The following ELP2 variants were observed in gnomAD, a reference collection of about 807,000 sequenced individuals.
ELP2 encodes the protein elongator complex protein 2.
A neutral mutation model predicts 119.2 loss-of-function variants in ELP2; 90 were observed. The observed-to-expected ratio is 0.75, with a 90% CI of 0.64 to 0.90. The LOEUF (loss-of-function observed/expected upper bound fraction) is 0.90. Ranked by LOEUF, ELP2 falls within the 40% of genes least tolerant of loss-of-function variation. ELP2 has a pLI of 0.00. For synonymous variants in ELP2, 339 were observed against 331.0 expected (o/e 1.02, Z -0.26); for missense variants, 921 against 967.8 (o/e 0.95, Z 0.64).
chr18:36,136,504 A>G (rs573486325), intron 3 of ELP2, 127 bp downstream of exon 3: 15 of 778,708 alleles, frequency 1.9e-5, no homozygotes, highest in Non-Finnish European at 3.3e-5. Context: ...CAGCCTCCTA[A>G]GTAGCTGGGA....
intron 18 of ELP2, among the ~76,000 whole-genome samples, chr18:36,166,434 G>A (rs1196996997): frequency 7.3e-6 from 1 of 137,136 alleles, no homozygotes; most frequent in African/African-American, 2.6e-5. Context: ...GGGTTCAAGT[G>A]ATTCTCCTGC....
At chr18:36,171,334 A>C (rs2091076459) in intron 21 of ELP2, among the ~76,000 whole-genome samples, 174 bp downstream of exon 21, 1 of 152,158 alleles carries the variant, frequency 6.6e-6, no homozygotes, top group South Asian at 2.1e-4. Context: ...AAATTGATAT[A>C]TTGCACTTGA....
chr18:36,164,733 C>A (rs1005018920), intron 18 of ELP2, 66 bp downstream of exon 18: 5 of 1,477,312 alleles, frequency 3.4e-6, no homozygotes, highest in Non-Finnish European at 4.7e-6. Flanking sequence ...CTACATTAAG[C>A]AGCTTTAGTT....
intron 17 of ELP2, among the ~76,000 whole-genome samples, chr18:36,162,725 T>C (rs1263363551): frequency 2.0e-5 from 3 of 152,196 alleles, no homozygotes; most frequent in South Asian, 4.1e-4. Flanking sequence ...CAGCACTTAG[T>C]ATCAGTCTTT....
rs773442118 is a variant in ELP2, at chr18:36,170,150, G to C, written c.2164G>C (p.Ala722Pro). The C allele has an allele frequency of 6.2e-7, 1 of 1,613,952 alleles. No homozygotes were observed. The highest frequency in any genetic ancestry group is 1.3e-5 in the African/African-American group (1 of 74,886). ...CTCCTCAGTCCTGGACGTGGGTGGG[G>C]CTGTGACAGCTGTCAGCGTCTGCCC... is the stretch of plus-strand genomic sequence containing the variant. ...PCSSVLDVGG[A>P]VTAVSVCPVL... The change falls in exon 20 of 22, where the codon GCT (alanine) becomes CCT (proline). Residue 722 changes from alanine (A) to proline (P), a missense_variant. Physicochemically the swap from Ala to Pro is conservative, Grantham distance 27 (BLOSUM62 -1). Transcript: ENST00000358232.
In ELP2 at chr18:36,177,653, AT is replaced by A. The variant is rs2144864483; in HGVS notation, c.*3016del. 6.6e-6 allele frequency: 1 copy of A among 152,246 alleles called. No individual in the cohort carries two copies. The highest frequency in any genetic ancestry group is 6.5e-5 in the Admixed American group (1 of 15,290). The allele number at this position is 152,246 out of a possible 1,614,324, so 9.4% of individuals were successfully genotyped here. A position where few individuals can be genotyped will look rare whatever the true frequency, so the allele number is the denominator to read the frequency against. On this transcript the variant is annotated 3_prime_UTR_variant, in exon 22 of 22. Transcript: ENST00000358232. ...GGTTAAGATGGTAAATCTTATCTTT[AT>A]TTTACCACAGTTTTTTTTAAAGCAT...
intron 17 of ELP2, among the ~76,000 whole-genome samples, chr18:36,164,046 C>A (rs1409172669): frequency 2.0e-5 from 3 of 152,058 alleles, no homozygotes; most frequent in Admixed American, 6.6e-5. Context: ...TGCAATATGC[C>A]TGTCATTCAT....
intron 5 of ELP2, chr18:36,139,613 A>G: frequency 6.6e-7 from 1 of 1,521,962 alleles, no homozygotes; most frequent in Non-Finnish European, 8.8e-7. Context: ...ATTCAGGCCA[A>G]GTGACTGGAG....
At chr18:36,147,192 A>G (rs1026249478) in intron 11 of ELP2, among the ~76,000 whole-genome samples, 1 of 150,768 alleles carries the variant, frequency 6.6e-6, no homozygotes, top group African/African-American at 2.4e-5. Flanking sequence ...TCACGCTTCA[A>G]CTTCCTGAGT....
intron 1 of ELP2, among the ~76,000 whole-genome samples, chr18:36,132,088 T>G (rs183134219): frequency 2.0e-5 from 3 of 152,150 alleles, no homozygotes; most frequent in Non-Finnish European, 2.9e-5. Context: ...TTTTTGTGTT[T>G]TTAGTAGAGA....
chr18:36,158,961 T>C, intron 14 of ELP2, 57 bp downstream of exon 14: 2 of 1,171,826 alleles, frequency 1.7e-6, no homozygotes, highest in Non-Finnish European at 2.6e-6. Context: ...ACCCCAGTCA[T>C]ACACTTGTGT....
At chr18:36,166,057 G>C (rs1218435131) in intron 18 of ELP2, among the ~76,000 whole-genome samples, 1 of 151,772 alleles carries the variant, frequency 6.6e-6, no homozygotes, top group African/African-American at 2.4e-5. Flanking sequence ...GCCAGGCATG[G>C]TGGTGCATGC....
chr18:36,145,158 G>A, intron 9 of ELP2, 124 bp downstream of exon 9: 1 of 775,740 alleles, frequency 1.3e-6, no homozygotes, highest in Admixed American at 1.9e-5. Context: ...ACATTTTCAA[G>A]TTGACAAAGT....
At chr18:36,131,431 G>C (rs2089622225) in intron 1 of ELP2, among the ~76,000 whole-genome samples, 1 of 152,246 alleles carries the variant, frequency 6.6e-6, no homozygotes, top group African/African-American at 2.4e-5. Context: ...CCAGCGCCGT[G>C]AGCGCGGAGC....
chr18:36,175,749 G>A lies in ELP2; in HGVS notation c.*1108G>A, dbSNP rs2091209178. On this transcript the variant is annotated 3_prime_UTR_variant, in exon 22 of 22. Coordinates refer to ENST00000358232, the MANE Select transcript of ELP2 (RefSeq NM_018255.4). Reference sequence around the variant, plus strand: ...GGAGAGAGGTTAACAGGGAAGACATGGGAAGTATTGTGAAGGCTGGTGTGA... The same window carrying A: ...GGAGAGAGGTTAACAGGGAAGACATAGGAAGTATTGTGAAGGCTGGTGTGA... 1 of 152,330 alleles carries A rather than the reference G, an allele frequency of 6.6e-6. No individual in the cohort carries two copies. Among genetic ancestry groups the A allele is most frequent in the African/African-American group, 2.4e-5 (1 of 41,442 alleles). 9.4% of individuals were successfully genotyped at this position (152,330 alleles called of 1,614,324 possible). A position where few individuals can be genotyped will look rare whatever the true frequency, so the allele number is the denominator to read the frequency against.
chr18:36,148,036 G>A (rs1457852479), intron 11 of ELP2, among the ~76,000 whole-genome samples: 1 of 151,682 alleles, frequency 6.6e-6, no homozygotes, highest in Non-Finnish European at 1.5e-5. Context: ...TGGTTTTTAT[G>A]GCAGCTTCAT....
intron 4 of ELP2, 128 bp from the exon 5 acceptor site, chr18:36,138,667 G>T (rs767125890): frequency 4.3e-5 from 39 of 914,988 alleles, no homozygotes; most frequent in Non-Finnish European, 6.6e-5. Context: ...CATGGTCAGT[G>T]GGGGCTCAGG....
rs116834309 is a variant in ELP2 at position 36,162,055 on chromosome 18, G to C, written c.1761+1051G>C. Among the ~76,000 whole-genome samples, 714 of 132,044 alleles carry C rather than the reference G, an allele frequency of 5.4e-3. 2 individuals are homozygous for C. The highest frequency in any genetic ancestry group is 0.017 in the African/African-American group (681 of 39,440). The allele number at this position is 132,044 out of a possible 152,430, so 86.6% of individuals were successfully genotyped here. On this transcript the variant is annotated intron_variant, in intron 17 of 21. Coordinates refer to ENST00000358232, the MANE Select transcript of ELP2 (RefSeq NM_018255.4). ...AACATTTTTTAACAGCTTTATTTAG[G>C]GTTATTAACATACTATAAATGGTAT... is the stretch of plus-strand genomic sequence containing the variant.
rs2091035352 is a variant in ELP2 at position 36,170,159 on chromosome 18, G to A, written c.2173G>A (p.Ala725Thr). 2 of 1,614,132 alleles carry A rather than the reference G, an allele frequency of 1.2e-6. No individual in the cohort carries two copies. Among genetic ancestry groups the A allele is most frequent in the Non-Finnish European group, 1.7e-6 (2 of 1,180,006 alleles). ...CCTGGACGTGGGTGGGGCTGTGACA[G>A]CTGTCAGCGTCTGCCCAGTGCTCCA... ...SVLDVGGAVT[A>T]VSVCPVLHPS... Residue 725 changes from alanine to threonine, a missense_variant, in exon 20 of 22, where the codon GCT (alanine) becomes ACT (threonine). Ala to Thr is a moderately conservative substitution (Grantham distance 58, BLOSUM62 0). Coordinates refer to ENST00000358232, the MANE Select transcript of ELP2 (RefSeq NM_018255.4).
Sources: gnomAD v4.1 joint callset for allele counts (sites outside exome capture counted in the v4.1 genomes callset) on GRCh38, gnomAD v4.1.1 for gene constraint, MANE v1.5 for transcripts, NCBI Gene and HGNC (gene_info 2026-07-23, HGNC 2026-07-21) for gene names.